PDE10A: variants seen among roughly 807,000 people sequenced by gnomAD.
PDE10A encodes the protein cAMP and cAMP-inhibited cGMP 3',5'-cyclic phosphodiesterase 10A.
PDE10A carries 39 observed loss-of-function variants against 97.7 expected under a neutral mutation model. The observed-to-expected ratio is 0.40, with a 90% CI of 0.31 to 0.52. PDE10A has a LOEUF of 0.52. Ranked by LOEUF, PDE10A falls within the 20% of genes least tolerant of loss-of-function variation. The probability of loss-of-function intolerance (pLI) is 0.56; values close to 1 mark genes in which losing one functional copy is unlikely to be tolerated. For synonymous variants in PDE10A, 371 were observed against 376.8 expected, an observed-to-expected ratio of 0.98 and a Z score of 0.18; for missense variants, 731 against 1,047.8, an observed-to-expected ratio of 0.70 and a Z score of 4.17.
chr6:165,420,798 T>C lies in PDE10A; in HGVS notation c.1654-2021A>G, dbSNP rs189324853. On this transcript the variant is annotated intron_variant, in intron 10 of 21. Coordinates refer to ENST00000539869, the MANE Select transcript of PDE10A (RefSeq NM_001385079.1). The stretch of plus-strand genomic sequence containing the variant: ...GGCACCAGCCTAAAATGGCTTCAAA[T>C]ATTAATTCTTTAAAAATCTTCAACA... Among the ~76,000 whole-genome samples, 247 of 152,322 alleles carry C rather than the reference T, an allele frequency of 1.6e-3. 1 individual carries two copies. The highest frequency in any genetic ancestry group is 4.1e-3 in the Admixed American group (63 of 15,294).
At chr6:165,825,737 A>G (rs142348891) in intron 1 of PDE10A, among the ~76,000 whole-genome samples, 62 of 152,268 alleles carry the variant, frequency 4.1e-4, no homozygotes, top group Admixed American at 1.6e-3. Context: ...CCTGGGGGTT[A>G]TCTGTCCTTC....
At position 165,964,890 on chromosome 6, in the gene PDE10A, C is replaced by G. The variant is rs141794268; in HGVS notation, c.-615+22639G>C. Among the ~76,000 whole-genome samples the G allele has an allele frequency of 2.1e-4, 32 of 152,230 alleles. 1 individual carries two copies. In the East Asian group the frequency reaches 6.2e-3, roughly 29 times the overall value. On this transcript the variant is annotated intron_variant, in intron 1 of 19. Transcript: ENST00000366882. ...GGAGCACTTTATAAAGAAGACATGA[C>G]CGTGCTTGTTAAAGGAGGAGGAGAA...
At position 165,615,762 on chromosome 6, in the gene PDE10A, G is replaced by A. The variant is rs558040688; in HGVS notation, c.865+46185C>T. On this transcript the variant is annotated intron_variant, in intron 1 of 21. Transcript: ENST00000539869. ...AATTCGCATGTCTTTTCACACTCCC[G>A]CTGCTTCTCTCAGCCGTCACACAGC... 7.2e-5 allele frequency among the ~76,000 whole-genome samples: 11 copies of A among 152,044 alleles called. No homozygotes were observed. In the South Asian group the frequency reaches 8.3e-4, roughly 11 times the overall value.
Position 165,395,202 on chromosome 6 carries a change from T to A in PDE10A, c.2282A>T (p.His761Leu). Residue 761 changes from histidine (H) to leucine (L), a missense_variant, in exon 15 of 22, where the codon CAT becomes CTT. His to Leu is a moderately conservative substitution (Grantham distance 99, BLOSUM62 -3). Around this residue, in one of 8 missense-constraint regions of PDE10A, gnomAD observed 131 missense variants for 187.4 expected, o/e 0.70. Transcript: ENST00000539869. The stretch of plus-strand genomic sequence containing the variant: ...ATACCAGGATGTCCCACAGGACCGA[T>A]GAACCATGTAGACAAAAATTCCAGG... ...MWPGIFVYMV[H>L]RSCGTSCFEL... The A allele has an allele frequency of 1.2e-6, 2 of 1,612,942 alleles. No homozygotes were observed. The highest frequency in any genetic ancestry group is 2.2e-5 in the South Asian group (2 of 91,068).
At chr6:165,592,909 G>A (rs1786362836) in intron 1 of PDE10A, among the ~76,000 whole-genome samples, 1 of 152,174 alleles carries the variant, frequency 6.6e-6, no homozygotes, top group Non-Finnish European at 1.5e-5. Flanking sequence ...CAGGGATCTA[G>A]AACTAGAAAT....
At chr6:165,413,813 T>C (rs986555128) in intron 12 of PDE10A, 126 bp from the exon 13 acceptor site, 1 of 670,210 alleles carries the variant, frequency 1.5e-6, no homozygotes, top group Non-Finnish European at 2.5e-6. Flanking sequence ...ATATGACTAA[T>C]GGCACTTTTA....
chr6:165,833,568 T>C (rs995151729), intron 1 of PDE10A, among the ~76,000 whole-genome samples: 2 of 152,236 alleles, frequency 1.3e-5, no homozygotes, highest in Non-Finnish European at 2.9e-5. Context: ...AGCTGAGGGC[T>C]GGAGGAGCAG....
intron 4 of PDE10A, 122 bp downstream of exon 4, chr6:165,450,120 T>C (rs1791178900): frequency 1.5e-6 from 1 of 654,822 alleles, no homozygotes; most frequent in East Asian, 2.7e-5. Context: ...ACTTGAAATT[T>C]AGTCCAGAAA....
At chr6:165,437,993 A>G (rs902226329) in intron 5 of PDE10A, among the ~76,000 whole-genome samples, 3 of 152,202 alleles carry the variant, frequency 2.0e-5, no homozygotes, top group African/African-American at 7.2e-5. Context: ...GCTACCTGTT[A>G]TAAATATAAA....
intron 1 of PDE10A, among the ~76,000 whole-genome samples, chr6:165,677,630 G>T (rs763582436): frequency 1.5e-4 from 23 of 152,180 alleles, no homozygotes; most frequent in Non-Finnish European, 1.8e-4. Context: ...ATGTGCATAG[G>T]TTACATGCAA....
intron 8 of PDE10A, 71 bp downstream of exon 8, chr6:165,431,351 G>A: frequency 1.1e-6 from 1 of 914,128 alleles, no homozygotes; most frequent in Non-Finnish European, 1.7e-6. Context: ...CTCTATTCCG[G>A]TCTTCAATGC....
At chr6:165,713,716 T>C (rs775967811) in intron 1 of PDE10A, among the ~76,000 whole-genome samples, 2 of 152,224 alleles carry the variant, frequency 1.3e-5, no homozygotes, top group Non-Finnish European at 1.5e-5. Context: ...CTTCTGTGTG[T>C]AGTGTGTCTG....
chr6:165,831,478 C>CTTTTT (rs200237321), intron 1 of PDE10A, among the ~76,000 whole-genome samples: 15 of 133,834 alleles, frequency 1.1e-4, no homozygotes, highest in Non-Finnish European at 1.9e-4. Context: ...TTGCAGGAGT[C>CTTTTT]TTTTTTTTTT....
intron 1 of PDE10A, among the ~76,000 whole-genome samples, chr6:165,624,108 TC>T (rs1788274886): frequency 6.6e-6 from 1 of 152,214 alleles, no homozygotes; most frequent in Admixed American, 6.5e-5. Flanking sequence ...GTCCCCTTCT[TC>T]CTTGCCACCA....
chr6:165,796,038 A>T (rs905510664), intron 1 of PDE10A, among the ~76,000 whole-genome samples: 14 of 151,240 alleles, frequency 9.3e-5, no homozygotes, highest in Non-Finnish European at 1.8e-4. Context: ...AATTCAACAC[A>T]GGAAGATTTT....
chr6:165,849,820 A>AC (rs1282992764), intron 1 of PDE10A, among the ~76,000 whole-genome samples: 1 of 92,842 alleles, frequency 1.1e-5, no homozygotes, highest in Non-Finnish European at 2.5e-5. Flanking sequence ...ATGGTGTTTT[A>AC]GGAAAAAAAA....
At chr6:165,692,173 G>A (rs1436817402) in intron 1 of PDE10A, among the ~76,000 whole-genome samples, 5 of 152,190 alleles carry the variant, frequency 3.3e-5, no homozygotes, top group South Asian at 2.1e-4. Context: ...GGGTGGGGAC[G>A]CCACAGGAAG....
chr6:165,898,688 C>G (rs1782023306), intron 1 of PDE10A, among the ~76,000 whole-genome samples: 1 of 152,108 alleles, frequency 6.6e-6, no homozygotes, highest in Admixed American at 6.5e-5. Flanking sequence ...ACCTCCCCAC[C>G]CCTAAACACT....
At position 165,388,542 on chromosome 6, in the gene PDE10A, C is replaced by T. The variant is rs746611190; in HGVS notation, c.2455-89G>A. The T allele has an allele frequency of 2.5e-6, 3 of 1,206,184 alleles. No individual in the cohort carries two copies. The highest frequency in any genetic ancestry group is 3.0e-5 in the African/African-American group (2 of 67,364). The allele number at this position is 1,206,184 out of a possible 1,614,324, so 74.7% of individuals were successfully genotyped here. A position where few individuals can be genotyped will look rare whatever the true frequency, so the allele number is the denominator to read the frequency against. On this transcript the variant is annotated intron_variant, in intron 16 of 21. Coordinates refer to ENST00000539869, the MANE Select transcript of PDE10A (RefSeq NM_001385079.1). This position sits in a 1 kb window ranked among gnomAD's most constrained non-coding sequence, Gnocchi z 4.0. ...GCTTACATTCATGTCACATTACTTT[C>T]TGGCATTAATATAGCACAAATACAG...
Sources: gnomAD v4.1 joint callset for allele counts (sites outside exome capture counted in the v4.1 genomes callset) on GRCh38, gnomAD v4.1.1 for gene constraint, gnomAD v4.1.1 regional missense constraint, Gnocchi (gnomAD v3.1) non-coding constraint, MANE v1.5 for transcripts, NCBI Gene and HGNC (gene_info 2026-07-23, HGNC 2026-07-21) for gene names.